Variants in CBARP observed in about 807,000 individuals in gnomAD.
The protein encoded by CBARP is voltage-dependent calcium channel beta subunit-associated regulatory protein.
CBARP carries 24 observed loss-of-function variants against 36.3 expected under a neutral mutation model. The observed-to-expected ratio is 0.66, with a 90% CI of 0.48 to 0.93. The LOEUF (loss-of-function observed/expected upper bound fraction) is 0.93, where lower values mean the gene tolerates loss of function less well. Among genes scored for constraint, CBARP ranks in the 40% least tolerant of loss-of-function variants. The probability of loss-of-function intolerance (pLI) is 0.00; values close to 1 mark genes in which losing one functional copy is unlikely to be tolerated. For missense variants in CBARP, 1,146 were observed against 980.4 expected (o/e 1.17, Z -2.26); for synonymous variants, 586 against 453.2 (o/e 1.29, Z -3.72).
chr19:1,231,234 T>G lies in CBARP; in HGVS notation c.1021A>C (p.Ser341Arg). The change falls in exon 9 of 10, where the codon AGT (serine) becomes CGT (arginine). Residue 341 changes from serine (S) to arginine (R), a missense_variant. By Grantham distance (110) the Ser-to-Arg change is moderately radical. Coordinates refer to ENST00000650044, the MANE Select transcript of CBARP (RefSeq NM_001393918.1). Reference protein sequence around the residue: ...RHHFQRQRAASESTEQEEGDA... With the variant: ...RHHFQRQRAARESTEQEEGDA... ...CCCTCCTCCTGCTCCGTGCTCTCACTGGCTGCCCGCTGCCGCTGGAAGTGG... is the reference window on the plus strand; with the variant it reads ...CCCTCCTCCTGCTCCGTGCTCTCACGGGCTGCCCGCTGCCGCTGGAAGTGG... The G allele has an allele frequency of 6.2e-7, 1 of 1,602,474 alleles. No homozygotes were observed. The highest frequency in any genetic ancestry group is 8.5e-7 in the Non-Finnish European group (1 of 1,179,534).
In CBARP at chr19:1,229,397, C is replaced by T. The variant is rs2080860171; in HGVS notation, c.1900G>A (p.Ala634Thr). The part of the protein sequence containing the change: ...GPPDGRTLGG[A>T]GDDPAIPVIE... ...ACGGGGATGGCGGGGTCGTCGCCGG[C>T]GCCGCCCAGGGTGCGACCGTCGGGC... Residue 634 changes from alanine to threonine, a missense_variant, in exon 10 of 10, where the codon GCC (alanine) becomes ACC (threonine). By Grantham distance (58) the Ala-to-Thr change is moderately conservative. Coordinates refer to ENST00000650044, the MANE Select transcript of CBARP (RefSeq NM_001393918.1). This position sits in a 1 kb window ranked among gnomAD's most constrained non-coding sequence, Gnocchi z 5.1. 14 of 1,098,564 alleles carry T rather than the reference C, an allele frequency of 1.3e-5. No individual in the cohort carries two copies. Among genetic ancestry groups the T allele is most frequent in the Non-Finnish European group, 1.6e-5 (14 of 890,500 alleles). 68.1% of individuals were successfully genotyped at this position (1,098,564 alleles called of 1,614,324 possible). A position where few individuals can be genotyped will look rare whatever the true frequency, so the allele number is the denominator to read the frequency against.
At position 1,229,107 on chromosome 19, in the gene CBARP, C is replaced by T. The variant is rs1295361301; in HGVS notation, c.*72G>A. 3 of 584,800 alleles carry T rather than the reference C, an allele frequency of 5.1e-6. No homozygotes were observed. The highest frequency in any genetic ancestry group is 1.4e-4 in the East Asian group (1 of 6,936). 36.2% of individuals were successfully genotyped at this position (584,800 alleles called of 1,614,324 possible). On this transcript the variant is annotated 3_prime_UTR_variant, in exon 10 of 10. Transcript: ENST00000650044. This position sits in a 1 kb window ranked among gnomAD's most constrained non-coding sequence, Gnocchi z 5.1. ...TTCGCGTCGGGGCGTCGCGCCCCCA[C>T]GTCTCTCCCGCCGCCGAGGCCCCGT...
intron 6 of CBARP, 64 bp from the exon 7 acceptor site, chr19:1,234,395 G>C: frequency 7.0e-7 from 1 of 1,435,634 alleles, no homozygotes; most frequent in Non-Finnish European, 9.1e-7. Flanking sequence ...GTGGGTGAGG[G>C]ACATGGGCAG....
chr19:1,229,977 C>T lies in CBARP; in HGVS notation c.1320G>A (p.Leu440=). 1 of 1,220,820 alleles carries T rather than the reference C, an allele frequency of 8.2e-7. No individual in the cohort carries two copies. Among genetic ancestry groups the T allele is most frequent in the African/African-American group, 1.6e-5 (1 of 60,792 alleles). 75.6% of individuals were successfully genotyped at this position (1,220,820 alleles called of 1,614,324 possible). ...AQTSYRDLWS[L]RASLELHAAA... ...CCGCATGCAGCTCAAGCGAGGCGCG[C>T]AGGCTCCACAGGTCGCGGTAGCTGG... Residue 440 remains leucine (L), a synonymous_variant, in exon 10 of 10, where the codon CTG becomes CTA. Coordinates refer to ENST00000650044, the MANE Select transcript of CBARP (RefSeq NM_001393918.1). The surrounding 1 kb of genome is among the most constrained non-coding windows in gnomAD (Gnocchi z 5.1).
chr19:1,235,757 A>G (rs746440666), intron 3 of CBARP, 22 bp downstream of exon 3: 43 of 1,606,364 alleles, frequency 2.7e-5, no homozygotes, highest in Non-Finnish European at 3.6e-5. Context: ...GCACCTGCCC[A>G]GCCGAGGTGG....
Position 1,229,628 on chromosome 19 carries a change from C to A in CBARP, c.1669G>T (p.Asp557Tyr). 8.3e-7 allele frequency: 1 copy of A among 1,201,358 alleles called. No homozygotes were observed. The highest frequency in any genetic ancestry group is 1.4e-5 in the South Asian group (1 of 72,356). The allele number at this position is 1,201,358 out of a possible 1,614,324, so 74.4% of individuals were successfully genotyped here. A position where few individuals can be genotyped will look rare whatever the true frequency, so the allele number is the denominator to read the frequency against. Residue 557 changes from aspartate (D) to tyrosine (Y), a missense_variant, in exon 10 of 10, where the codon GAC (aspartate) becomes TAC (tyrosine). By Grantham distance (160) the Asp-to-Tyr change is radical. Transcript: ENST00000650044. The surrounding 1 kb of genome is among the most constrained non-coding windows in gnomAD (Gnocchi z 5.1). ...GCCGGCGTGTCGTCGAAGTGCGGGT[C>A]GTGGCGCAGGAACTCGTGGAACAGC... ...DALFHEFLRH[D>Y]PHFDDTPAAA...
At chr19:1,231,887 C>G (rs902305854) in intron 8 of CBARP, among the ~76,000 whole-genome samples, 1 of 152,030 alleles carries the variant, frequency 6.6e-6, no homozygotes, top group Non-Finnish European at 1.5e-5. Context: ...CCTCTGGCAC[C>G]GATAGTGCCT....
chr19:1,234,086 G>A (rs550266357), intron 7 of CBARP, 105 bp downstream of exon 7: 35 of 1,316,150 alleles, frequency 2.7e-5, no homozygotes, highest in East Asian at 2.0e-4. Flanking sequence ...GGAGGGCTGC[G>A]GTGGCTGGCA....
intron 1 of CBARP, among the ~76,000 whole-genome samples, chr19:1,236,688 A>G (rs1466877873): frequency 2.0e-5 from 3 of 151,836 alleles, no homozygotes; most frequent in African/African-American, 7.3e-5. Context: ...CGGGAGGTGG[A>G]GGTCTCCCCG....
At chr19:1,234,056 G>A in intron 7 of CBARP, 135 bp downstream of exon 7, 1 of 1,082,920 alleles carries the variant, frequency 9.2e-7, no homozygotes, top group Non-Finnish European at 1.2e-6. Context: ...TCTCCCGTGT[G>A]CAATGACCCG....
rs1251150232 is a variant in CBARP at position 1,229,589 on chromosome 19, G to T, written c.1708C>A (p.Arg570Ser). 2.0e-5 allele frequency: 24 copies of T among 1,182,480 alleles called. No homozygotes were observed. The highest frequency in any genetic ancestry group is 1.9e-4 in the East Asian group (2 of 10,322). The allele number at this position is 1,182,480 out of a possible 1,614,324, so 73.2% of individuals were successfully genotyped here. ...FDDTPAAARHRARAHPHARKQ... is the reference protein window; with the variant it reads ...FDDTPAAARHSARAHPHARKQ... ...CGGGCGTGCGGGTGCGCGCGGGCGCGGTGTCGCGCGGCAGCCGGCGTGTCG... is the reference window on the plus strand; with the variant it reads ...CGGGCGTGCGGGTGCGCGCGGGCGCTGTGTCGCGCGGCAGCCGGCGTGTCG... The change falls in exon 10 of 10, where the codon CGC (arginine) becomes AGC (serine). Residue 570 changes from arginine (R) to serine (S), a missense_variant. By Grantham distance (110) the Arg-to-Ser change is moderately radical. Transcript: ENST00000650044. The surrounding 1 kb of genome is among the most constrained non-coding windows in gnomAD (Gnocchi z 5.1).
chr19:1,234,247 T>C lies in CBARP; in HGVS notation c.712A>G (p.Thr238Ala). The change falls in exon 7 of 10, where the codon ACT (threonine) becomes GCT (alanine). Residue 238 changes from threonine to alanine, a missense_variant. Physicochemically the swap from Thr to Ala is moderately conservative, Grantham distance 58. Coordinates refer to ENST00000650044, the MANE Select transcript of CBARP (RefSeq NM_001393918.1). Reference protein sequence around the residue: ...GDPYNSAAGATDFAEISPSAS... With the variant: ...GDPYNSAAGAADFAEISPSAS... ...GAGGGGCTGATCTCTGCGAAGTCAGTGGCGCCCGCGGCTGAGTTGTAGGGG... is the reference window on the plus strand; with the variant it reads ...GAGGGGCTGATCTCTGCGAAGTCAGCGGCGCCCGCGGCTGAGTTGTAGGGG... The C allele has an allele frequency of 6.7e-7, 1 of 1,487,750 alleles. No individual in the cohort carries two copies. The highest frequency in any genetic ancestry group is 1.4e-5 in the South Asian group (1 of 72,380). 92.2% of individuals were successfully genotyped at this position (1,487,750 alleles called of 1,614,324 possible).
At position 1,236,052 on chromosome 19, in the gene CBARP, T is replaced by C. The variant is rs1275575081; in HGVS notation, c.49A>G (p.Thr17Ala). The C allele has an allele frequency of 6.8e-7, 1 of 1,474,500 alleles. No homozygotes were observed. Among genetic ancestry groups the C allele is most frequent in the Non-Finnish European group, 9.1e-7 (1 of 1,101,064 alleles). The allele number at this position is 1,474,500 out of a possible 1,614,324, so 91.3% of individuals were successfully genotyped here. ...MATAATTTTT[T>A]TATVALTTSW... ...GTCGTCAGGGCTACTGTGGCAGTGG[T>C]GGTGGTGGTGGTGGTGGCGGCTGTG... The change falls in exon 2 of 10, where the codon ACC becomes GCC. Residue 17 changes from threonine (T) to alanine (A), a missense_variant. Physicochemically the swap from Thr to Ala is moderately conservative, Grantham distance 58 (BLOSUM62 0). Coordinates refer to ENST00000650044, the MANE Select transcript of CBARP (RefSeq NM_001393918.1).
intron 8 of CBARP, among the ~76,000 whole-genome samples, chr19:1,231,708 C>T (rs1254507056): frequency 6.6e-6 from 1 of 151,646 alleles, no homozygotes; most frequent in Admixed American, 6.6e-5. Flanking sequence ...AGGAGTGGGC[C>T]CTGGCTTGGG....
At position 1,235,504 on chromosome 19, in the gene CBARP, G is replaced by A; in HGVS notation, c.307C>T (p.Gln103Ter). The change falls in exon 4 of 10, where the codon CAA (glutamine) becomes TAA (stop). Residue 103 changes from glutamine (Q) to a stop codon, truncating the protein, a stop_gained. Transcript: ENST00000650044. LOFTEE classifies it high-confidence loss of function. Reference sequence around the variant, plus strand: ...GCCAGGCTGGCCAGCACCTCACCTTGGGCTGGGTGGGTGCCGTTGTCCAGG... The same window carrying A: ...GCCAGGCTGGCCAGCACCTCACCTTAGGCTGGGTGGGTGCCGTTGTCCAGG... Reference protein sequence around the residue: ...TYLDNGTHPAQDPDFRGEDPE... With the variant: ...TYLDNGTHPA 1.3e-6 allele frequency: 2 copies of A among 1,593,692 alleles called. No individual in the cohort carries two copies. Among genetic ancestry groups the A allele is most frequent in the Non-Finnish European group, 1.7e-6 (2 of 1,172,342 alleles).
At chr19:1,231,754 G>C (rs902964193) in intron 8 of CBARP, among the ~76,000 whole-genome samples, 3 of 151,846 alleles carry the variant, frequency 2.0e-5, no homozygotes, top group African/African-American at 7.3e-5. Flanking sequence ...GGTCAGGTGG[G>C]TGCGGACAGT....
Position 1,233,601 on chromosome 19 carries a change from C to T in CBARP, c.804G>A (p.Gly268=), listed in dbSNP as rs1413565781. 2.5e-6 allele frequency: 4 copies of T among 1,610,110 alleles called. No individual in the cohort carries two copies. Among genetic ancestry groups the T allele is most frequent in the Non-Finnish European group, 3.4e-6 (4 of 1,178,992 alleles). The change falls in exon 8 of 10, where the codon GGG becomes GGA. Residue 268 remains glycine (G), a synonymous_variant. Transcript: ENST00000650044. ...CCCCAGGCCCTGCTGCAGCCCCGGG[C>T]CCTCCAGCCTTGGTGCTCCTGGTAC... The part of the protein sequence containing the change: ...DAGTRSTKAG[G]PGAAAGPGEA...
chr19:1,235,400 GAGAC>G (rs983234663), intron 4 of CBARP, 97 bp downstream of exon 4: 64 of 1,291,648 alleles, frequency 5.0e-5, no homozygotes, highest in African/African-American at 4.1e-4. Flanking sequence ...TCTGGTGGGG[GAGAC>G]AGACAGACAC....
chr19:1,230,766 G>C, intron 9 of CBARP: 1 of 1,359,674 alleles, frequency 7.4e-7, no homozygotes, highest in Non-Finnish European at 9.4e-7. Flanking sequence ...TTGGGAGCAT[G>C]GGCGGGGCGG....
Sources: gnomAD v4.1 joint callset for allele counts (sites outside exome capture counted in the v4.1 genomes callset) on GRCh38, gnomAD v4.1.1 for gene constraint, Gnocchi (gnomAD v3.1) non-coding constraint, MANE v1.5 for transcripts, NCBI Gene and HGNC (gene_info 2026-07-23, HGNC 2026-07-21) for gene names.